Variants in TSC22D1 observed in about 807,000 individuals in gnomAD.
TSC22D1 encodes TSC22 domain family member 1.
TSC22D1 carries 9 observed loss-of-function variants against 74.2 expected under a neutral mutation model. The ratio of observed to expected loss-of-function variants is 0.12; its 90% confidence interval spans 0.07 to 0.21. The LOEUF is 0.21. TSC22D1 is among the 10% of genes least tolerant of loss of function. The pLI, the probability that TSC22D1 is intolerant of heterozygous loss-of-function variation, is 1.00. For missense variants in TSC22D1, 1,427 were observed against 1,304.7 expected (o/e 1.09, Z -1.44); for synonymous variants, 586 against 492.5 (o/e 1.19, Z -2.51).
chr13:44,554,349 G>A (rs1477204796), intron 1 of TSC22D1, among the ~76,000 whole-genome samples: 1 of 152,102 alleles, frequency 6.6e-6, no homozygotes, highest in Non-Finnish European at 1.5e-5. Flanking sequence ...CTTATTCATC[G>A]ATAGTCCAGA....
At chr13:44,489,206 C>CAAAAAAAA (rs34867283) in intron 1 of TSC22D1, among the ~76,000 whole-genome samples, 1 of 134,690 alleles carries the variant, frequency 7.4e-6, no homozygotes, top group Non-Finnish European at 1.6e-5. Context: ...TCATTTCATG[C>CAAAAAAAA]AAAAAAAAAA....
chr13:44,481,761 T>A (rs1252146609), intron 1 of TSC22D1, among the ~76,000 whole-genome samples: 1 of 152,206 alleles, frequency 6.6e-6, no homozygotes, highest in Non-Finnish European at 1.5e-5. Flanking sequence ...TCATCCTCTT[T>A]ATGTCCTCCT....
At chr13:44,517,829 GTATATATATATATATA>G (rs1555269397) in intron 1 of TSC22D1, among the ~76,000 whole-genome samples, 1 of 14,128 alleles carries the variant, frequency 7.1e-5, no homozygotes, top group Non-Finnish European at 1.5e-4. Flanking sequence ...GTGTGTGTGT[GTATATATATATATATA>G]TATATATATA....
chr13:44,529,203 A>G (rs1470397456), intron 1 of TSC22D1, among the ~76,000 whole-genome samples: 1 of 152,064 alleles, frequency 6.6e-6, no homozygotes, highest in Non-Finnish European at 1.5e-5. Context: ...CAAATCCAAC[A>G]ATGTATAAAA....
chr13:44,514,312 C>T (rs1879868612), intron 1 of TSC22D1, among the ~76,000 whole-genome samples: 1 of 151,632 alleles, frequency 6.6e-6, no homozygotes, highest in African/African-American at 2.4e-5. Context: ...TTGAAGTAAA[C>T]AAGATCTTCC....
chr13:44,455,049 A>C (rs1429758011), intron 1 of TSC22D1, among the ~76,000 whole-genome samples: 1 of 152,214 alleles, frequency 6.6e-6, no homozygotes, highest in African/African-American at 2.4e-5. Context: ...TGAAACTTAC[A>C]TTCAACTGGG....
At chr13:44,558,688 C>G (rs951368732) in intron 1 of TSC22D1, among the ~76,000 whole-genome samples, 8 of 152,004 alleles carry the variant, frequency 5.3e-5, no homozygotes, top group Non-Finnish European at 7.4e-5. Context: ...TGCAGTGAGC[C>G]GAGATTGTGC....
chr13:44,537,445 T>C (rs1881217129), intron 1 of TSC22D1: 1 of 985,074 alleles, frequency 1.0e-6, no homozygotes, highest in East Asian at 1.1e-4. Context: ...AGAGATTAAA[T>C]CACTTTTCAT....
At chr13:44,553,909 G>GCTAC (rs1393717964) in intron 1 of TSC22D1, among the ~76,000 whole-genome samples, 1 of 152,202 alleles carries the variant, frequency 6.6e-6, no homozygotes, top group African/African-American at 2.4e-5. Flanking sequence ...AGAACTAAGA[G>GCTAC]AGTAGGCACT....
chr13:44,553,039 G>A (rs1882393997), intron 1 of TSC22D1, among the ~76,000 whole-genome samples: 1 of 152,126 alleles, frequency 6.6e-6, no homozygotes, highest in South Asian at 2.1e-4. Flanking sequence ...AACAGAAAGG[G>A]AACTGTTACA....
chr13:44,538,678 AAGTAAACCAG>A, intron 1 of TSC22D1: 1 of 985,428 alleles, frequency 1.0e-6, no homozygotes, highest in Non-Finnish European at 1.2e-6. Context: ...TTCAGACCAA[AAGTAAACCAG>A]AGTAATTCTT....
chr13:44,498,330 A>C (rs567332736), intron 1 of TSC22D1, among the ~76,000 whole-genome samples: 13 of 141,666 alleles, frequency 9.2e-5, no homozygotes, highest in South Asian at 2.3e-4. Flanking sequence ...AAAACCAAAA[A>C]CAAAAACAAC....
rs1490130840 is a variant in TSC22D1 at position 44,432,679 on chromosome 13, A to T, written c.*1947T>A. 1 of 152,078 alleles carries T rather than the reference A, an allele frequency of 6.6e-6. No homozygotes were observed. Among genetic ancestry groups the T allele is most frequent in the African/African-American group, 2.4e-5 (1 of 41,346 alleles). The allele number at this position is 152,078 out of a possible 1,614,324, so 9.4% of individuals were successfully genotyped here. ...CACCAGCTCTAGATGAGAGAAATGA[A>T]TGATTCAGAAAGTTTGTCCTTGTTC... On this transcript the variant is annotated 3_prime_UTR_variant, in exon 3 of 3. Transcript: ENST00000458659.
chr13:44,443,412 G>A (rs539391637), intron 1 of TSC22D1, among the ~76,000 whole-genome samples: 5 of 152,066 alleles, frequency 3.3e-5, no homozygotes, highest in Non-Finnish European at 5.9e-5. Context: ...AAGCTGGAAG[G>A]ATTCATCACT....
At chr13:44,559,568 A>G (rs917003749) in intron 1 of TSC22D1, among the ~76,000 whole-genome samples, 17 of 152,130 alleles carry the variant, frequency 1.1e-4, no homozygotes, top group African/African-American at 3.9e-4. Flanking sequence ...TTGGTCACCC[A>G]GTCTAGAGTA....
intron 1 of TSC22D1, among the ~76,000 whole-genome samples, chr13:44,455,640 T>C (rs1006992097): frequency 2.6e-5 from 4 of 152,214 alleles, no homozygotes; most frequent in African/African-American, 9.6e-5. Context: ...GTCTACAAAA[T>C]TTAAGCACTA....
At chr13:44,452,333 G>A (rs1258513964) in intron 1 of TSC22D1, among the ~76,000 whole-genome samples, 1 of 152,136 alleles carries the variant, frequency 6.6e-6, no homozygotes, top group East Asian at 1.9e-4. Context: ...ACTCTGAGGC[G>A]GTAGGTACCA....
At chr13:44,521,077 C>G (rs1346844366) in intron 1 of TSC22D1, among the ~76,000 whole-genome samples, 7 of 151,812 alleles carry the variant, frequency 4.6e-5, no homozygotes, top group Admixed American at 4.6e-4. Flanking sequence ...AAACACTGAC[C>G]CTAGAGAGCA....
At position 44,559,693 on chromosome 13, in the gene TSC22D1, C is replaced by CTT. The variant is rs36114777; in HGVS notation, c.2912+13468_2912+13469dup. On this transcript the variant is annotated intron_variant, in intron 1 of 2. Coordinates refer to ENST00000458659, the MANE Select transcript of TSC22D1 (RefSeq NM_183422.4). ...GCCACTGTGCCCAGCCCAAAAATTT[C>CTT]TTTTTTTTTTTTTTTGAGACACAGT... is the stretch of plus-strand genomic sequence containing the variant. Among the ~76,000 whole-genome samples the CTT allele has an allele frequency of 1.1e-3, 161 of 140,192 alleles. 1 individual carries two copies. The highest frequency in any genetic ancestry group is 1.7e-3 in the East Asian group (8 of 4,736). 92.0% of individuals were successfully genotyped at this position (140,192 alleles called of 152,430 possible). A position where few individuals can be genotyped will look rare whatever the true frequency, so the allele number is the denominator to read the frequency against.
Sources: allele counts gnomAD v4.1 joint callset (sites outside exome capture counted in the v4.1 genomes callset), GRCh38; gene constraint gnomAD v4.1.1; transcripts MANE v1.5; gene names NCBI Gene and HGNC (gene_info 2026-07-23, HGNC 2026-07-21).